Variants in SGMS1 observed in about 807,000 individuals in gnomAD.
The protein encoded by SGMS1 is sphingomyelin synthase 1.
SGMS1 carries 13 observed loss-of-function variants against 46.2 expected under a neutral mutation model. The ratio of observed to expected loss-of-function variants is 0.28; its 90% CI spans 0.18 to 0.45. The LOEUF is 0.45. Among genes scored for constraint, SGMS1 ranks in the 20% least tolerant of loss-of-function variants. The probability of loss-of-function intolerance (pLI) is 1.00; values close to 1 mark genes in which losing one functional copy is unlikely to be tolerated. For synonymous variants in SGMS1, 203 were observed against 187.8 expected, an observed-to-expected ratio of 1.08 and a Z score of -0.66; for missense variants, 324 against 519.9, an observed-to-expected ratio of 0.62 and a Z score of 3.66.
chr10:50,415,942 A>G (rs567671284), intron 6 of SGMS1, among the ~76,000 whole-genome samples: 1 of 152,328 alleles, frequency 6.6e-6, no homozygotes, highest in Non-Finnish European at 1.5e-5. Flanking sequence ...GAAAATGCAC[A>G]CCCTGAATTA....
At chr10:50,375,084 C>A (rs1422126695) in intron 6 of SGMS1, among the ~76,000 whole-genome samples, 1 of 151,872 alleles carries the variant, frequency 6.6e-6, no homozygotes, top group Non-Finnish European at 1.5e-5. Flanking sequence ...AAAACTGTGA[C>A]CACAGGTTAG....
intron 3 of SGMS1, among the ~76,000 whole-genome samples, chr10:50,496,850 A>G (rs1837619493): frequency 6.6e-6 from 1 of 152,178 alleles, no homozygotes; most frequent in African/African-American, 2.4e-5. Context: ...ACCCATCTAT[A>G]TAGCTCACAG....
chr10:50,440,039 A>C (rs927917244), intron 5 of SGMS1, among the ~76,000 whole-genome samples: 2 of 152,304 alleles, frequency 1.3e-5, no homozygotes, highest in East Asian at 1.9e-4. Flanking sequence ...ACAAGCAAGC[A>C]ATGCAGCAAC....
At chr10:50,311,805 G>A (rs1847258127) in intron 8 of SGMS1, among the ~76,000 whole-genome samples, 1 of 152,154 alleles carries the variant, frequency 6.6e-6, no homozygotes, top group South Asian at 2.1e-4. Flanking sequence ...ATTTAAAGAT[G>A]TATTTTTATC....
chr10:50,516,117 T>A (rs752784319), intron 3 of SGMS1, among the ~76,000 whole-genome samples: 3 of 152,258 alleles, frequency 2.0e-5, no homozygotes, highest in Non-Finnish European at 4.4e-5. Flanking sequence ...TAAAAACATA[T>A]GGTTGTCTAT....
intron 3 of SGMS1, among the ~76,000 whole-genome samples, chr10:50,512,722 A>G (rs1837768086): frequency 6.6e-6 from 1 of 152,262 alleles, no homozygotes; most frequent in Non-Finnish European, 1.5e-5. Context: ...AGTAAACGCA[A>G]GAACTCCCAA....
At chr10:50,446,665 T>G (rs150816685) in intron 5 of SGMS1, among the ~76,000 whole-genome samples, 1 of 152,314 alleles carries the variant, frequency 6.6e-6, no homozygotes, top group East Asian at 1.9e-4. Flanking sequence ...GCACACTCAG[T>G]ATAACTACAT....
intron 2 of SGMS1, among the ~76,000 whole-genome samples, chr10:50,526,920 C>G (rs1335275264): frequency 6.6e-6 from 1 of 151,924 alleles, no homozygotes; most frequent in Non-Finnish European, 1.5e-5. Flanking sequence ...CAAAAATTAG[C>G]TGGGCATGGT....
chr10:50,501,810 T>G (rs1837663887), intron 3 of SGMS1, among the ~76,000 whole-genome samples: 1 of 152,202 alleles, frequency 6.6e-6, no homozygotes, highest in Admixed American at 6.5e-5. Context: ...ATGTTAAAAT[T>G]CATGGTATCA....
chr10:50,601,246 G>A (rs1328061089), intron 1 of SGMS1, among the ~76,000 whole-genome samples: 2 of 152,210 alleles, frequency 1.3e-5, no homozygotes, highest in Non-Finnish European at 2.9e-5. Flanking sequence ...TGATTCCTTG[G>A]TTCTGTCTTG....
At chr10:50,480,646 C>T (rs541580986) in intron 3 of SGMS1, among the ~76,000 whole-genome samples, 15 of 152,098 alleles carry the variant, frequency 9.9e-5, no homozygotes, top group South Asian at 8.3e-4. Flanking sequence ...CTGGAGATAC[C>T]CTCGTGAGCC....
intron 8 of SGMS1, among the ~76,000 whole-genome samples, chr10:50,312,337 T>TAAAA (rs10591253): frequency 7.4e-6 from 1 of 135,110 alleles, no homozygotes; most frequent in Non-Finnish European, 1.6e-5. Context: ...TGTGAGAAAT[T>TAAAA]AAAAAAAAAA....
intron 6 of SGMS1, among the ~76,000 whole-genome samples, chr10:50,350,373 T>C (rs1274806216): frequency 1.3e-5 from 2 of 152,144 alleles, no homozygotes; most frequent in Admixed American, 1.3e-4. Context: ...AGCCTGACTA[T>C]GTGATAGAAA....
intron 6 of SGMS1, among the ~76,000 whole-genome samples, chr10:50,367,849 G>A (rs980035090): frequency 2.6e-5 from 4 of 152,122 alleles, no homozygotes; most frequent in African/African-American, 9.7e-5. Context: ...CTCCCTAGAG[G>A]ATAATCCTTA....
At chr10:50,537,640 C>T (rs972409743) in intron 2 of SGMS1, among the ~76,000 whole-genome samples, 1 of 150,090 alleles carries the variant, frequency 6.7e-6, no homozygotes, top group African/African-American at 2.5e-5. Flanking sequence ...ACAACAGGCC[C>T]CGGTGTGTGA....
At chr10:50,624,707 T>C (rs1011691023), upstream of SGMS1, 77 of 985,406 alleles carry the variant, frequency 7.8e-5, no homozygotes, top group African/African-American at 1.2e-3. Context: ...GCAAGTCGCC[T>C]GAAGGAAGGT....
At chr10:50,493,594 T>C (rs897824163) in intron 3 of SGMS1, among the ~76,000 whole-genome samples, 1 of 151,484 alleles carries the variant, frequency 6.6e-6, no homozygotes, top group African/African-American at 2.4e-5. Context: ...ATATCCAGAG[T>C]CTACAAGGAA....
chr10:50,534,518 G>A (rs563042422), intron 2 of SGMS1, among the ~76,000 whole-genome samples: 64 of 152,166 alleles, frequency 4.2e-4, no homozygotes, highest in African/African-American at 7.0e-4. Flanking sequence ...ATATGCCCAT[G>A]CTGTTTGACA....
intron 6 of SGMS1, among the ~76,000 whole-genome samples, chr10:50,419,229 T>C (rs981579676): frequency 6.6e-6 from 1 of 152,190 alleles, no homozygotes; most frequent in Non-Finnish European, 1.5e-5. Flanking sequence ...TTTACCACAG[T>C]GCTGGACAAA....
Sources: allele counts gnomAD v4.1 joint callset (sites outside exome capture counted in the v4.1 genomes callset), GRCh38; gene constraint gnomAD v4.1.1; transcripts MANE v1.5; gene names NCBI Gene and HGNC (gene_info 2026-07-23, HGNC 2026-07-21).